The following CFAP20DC variants were observed in gnomAD, a reference collection of about 807,000 sequenced individuals.
CFAP20DC encodes the protein protein CFAP20DC.
Under a neutral mutation model 101.7 loss-of-function variants are expected in CFAP20DC, and 84 were observed. That is an observed-to-expected ratio of 0.83 (90% CI 0.69 to 0.99). The LOEUF is 0.99. Ranked by LOEUF, CFAP20DC falls within the 50% of genes least tolerant of loss-of-function variation. The pLI is 0.00. For missense variants in CFAP20DC, 1,007 were observed against 970.3 expected, an observed-to-expected ratio of 1.04 and a Z score of -0.50; for synonymous variants, 359 against 351.2, an observed-to-expected ratio of 1.02 and a Z score of -0.25.
At chr3:58,851,333 T>C (rs2078212667) in intron 12 of CFAP20DC, among the ~76,000 whole-genome samples, 1 of 152,132 alleles carries the variant, frequency 6.6e-6, no homozygotes, top group African/African-American at 2.4e-5. Flanking sequence ...TTAGGATTGT[T>C]GAGGTGCCTG....
chr3:58,817,387 T>G (rs1176136079), intron 14 of CFAP20DC, among the ~76,000 whole-genome samples: 5 of 151,254 alleles, frequency 3.3e-5, no homozygotes, highest in African/African-American at 7.3e-5. Context: ...AGTTGAAAAC[T>G]TCGAAAAAAA....
At chr3:58,965,477 T>A (rs977570253) in intron 4 of CFAP20DC, among the ~76,000 whole-genome samples, 1 of 152,156 alleles carries the variant, frequency 6.6e-6, no homozygotes, top group African/African-American at 2.4e-5. Flanking sequence ...AAGTTCAGGC[T>A]AAAGTTTAGG....
chr3:58,742,133 A>C lies in CFAP20DC; in HGVS notation c.*327T>G. ...TCATTTACAGATTAACACTGCAAAA[A>C]ATTTGAATGAATAACTCTTAATTTG... On this transcript the variant is annotated 3_prime_UTR_variant, in exon 17 of 17. Coordinates refer to ENST00000482387, the MANE Select transcript of CFAP20DC (RefSeq NM_001394063.1). 15 of 921,196 alleles carry C rather than the reference A, an allele frequency of 1.6e-5. No individual in the cohort carries two copies. The highest frequency in any genetic ancestry group is 1.9e-5 in the Non-Finnish European group (15 of 769,782). The allele number at this position is 921,196 out of a possible 1,614,324, so 57.1% of individuals were successfully genotyped here.
Position 58,868,346 on chromosome 3 carries a change from G to A in CFAP20DC, c.1016-410C>T, listed in dbSNP as rs1270787846. Among the ~76,000 whole-genome samples the A allele has an allele frequency of 6.6e-6, 1 of 152,066 alleles. No individual in the cohort carries two copies. Among genetic ancestry groups the A allele is most frequent in the Admixed American group, 6.6e-5 (1 of 15,254 alleles). ...GAGAGCAGCTTCCAAAAGAGCCCTG[G>A]AGAACTGAGGTCAAGCTGAAGAAGA... On this transcript the variant is annotated intron_variant, in intron 9 of 16. Transcript: ENST00000482387. This position sits in a 1 kb window ranked among gnomAD's most constrained non-coding sequence, Gnocchi z 4.6.
At chr3:58,768,471 C>T (rs1451470062) in intron 15 of CFAP20DC, among the ~76,000 whole-genome samples, 2 of 152,110 alleles carry the variant, frequency 1.3e-5, no homozygotes, top group African/African-American at 4.8e-5. Context: ...CTCCATGTGG[C>T]GATGTGCTGG....
chr3:58,922,822 G>A (rs753934710), intron 5 of CFAP20DC, among the ~76,000 whole-genome samples: 2 of 150,664 alleles, frequency 1.3e-5, no homozygotes, highest in Non-Finnish European at 3.0e-5. Flanking sequence ...TTTTTCAATC[G>A]TTTCATTAGG....
intron 3 of CFAP20DC, among the ~76,000 whole-genome samples, chr3:58,733,713 G>A (rs779771625): frequency 6.6e-6 from 1 of 152,188 alleles, no homozygotes; most frequent in Non-Finnish European, 1.5e-5. Context: ...AATAAATACA[G>A]CTTCAAAGAA....
At chr3:59,029,134 TG>T (rs1480812803) in intron 4 of CFAP20DC, among the ~76,000 whole-genome samples, 1 of 152,180 alleles carries the variant, frequency 6.6e-6, no homozygotes, top group Non-Finnish European at 1.5e-5. Flanking sequence ...GACTGGGTGC[TG>T]CTTCTCCCTT....
At chr3:58,963,526 T>C (rs2091317615) in intron 4 of CFAP20DC, among the ~76,000 whole-genome samples, 2 of 152,058 alleles carry the variant, frequency 1.3e-5, no homozygotes, top group African/African-American at 4.8e-5. Context: ...CTACTACCCT[T>C]GGGAAAGATA....
At chr3:58,989,319 G>C (rs1213613029) in intron 4 of CFAP20DC, among the ~76,000 whole-genome samples, 2 of 152,098 alleles carry the variant, frequency 1.3e-5, no homozygotes, top group African/African-American at 4.8e-5. Flanking sequence ...ACAGAATTAA[G>C]ATAGCAAGGA....
intron 15 of CFAP20DC, among the ~76,000 whole-genome samples, chr3:58,762,897 G>A (rs548372246): frequency 1.2e-4 from 18 of 150,858 alleles, no homozygotes; most frequent in East Asian, 5.8e-4. Context: ...GAGTTTCTGC[G>A]GAGAAATCAG....
chr3:58,728,941 T>C lies in CFAP20DC; in HGVS notation c.198-11313A>G, dbSNP rs2067596125. Among the ~76,000 whole-genome samples the C allele has an allele frequency of 6.6e-6, 1 of 152,166 alleles. No homozygotes were observed. ...ATGGATGATGATGATGTGTGACTGC[T>C]GGGGCTAGGTCATAAAAGGCATTGC... On this transcript the variant is annotated intron_variant, in intron 3 of 3. Transcript: ENST00000486145. The surrounding 1 kb of genome is among the most constrained non-coding windows in gnomAD (Gnocchi z 4.7).
intron 4 of CFAP20DC, among the ~76,000 whole-genome samples, chr3:58,984,353 G>C (rs565647043): frequency 6.6e-6 from 1 of 152,234 alleles, no homozygotes; most frequent in Non-Finnish European, 1.5e-5. Context: ...TATAGCTTCT[G>C]AATTGGTTTC....
intron 15 of CFAP20DC, among the ~76,000 whole-genome samples, chr3:58,789,431 C>A (rs966936978): frequency 1.3e-5 from 2 of 152,054 alleles, no homozygotes; most frequent in African/African-American, 2.4e-5. Context: ...TTATCAGATA[C>A]CTTATTTATG....
rs1045448435 is a variant in CFAP20DC at position 58,914,145 on chromosome 3, T to C, written c.394-281A>G. Among the ~76,000 whole-genome samples the C allele has an allele frequency of 4.8e-4, 73 of 152,164 alleles. No homozygotes were observed. The highest frequency in any genetic ancestry group is 6.8e-4 in the Non-Finnish European group (46 of 68,024). On this transcript the variant is annotated intron_variant, in intron 5 of 16. Transcript: ENST00000482387. The surrounding 1 kb of genome is among the most constrained non-coding windows in gnomAD (Gnocchi z 4.9). ...CAACTTTGGGAAATAACTCTCTATC[T>C]GTAGGCAGTATGCCAGCAGGAAGCT...
intron 15 of CFAP20DC, among the ~76,000 whole-genome samples, chr3:58,757,366 GTACA>G (rs2069055584): frequency 6.7e-6 from 1 of 149,768 alleles, no homozygotes; most frequent in African/African-American, 2.5e-5. Context: ...ATACACATGT[GTACA>G]TACATACACA....
chr3:58,962,736 C>T (rs538850289), intron 4 of CFAP20DC, among the ~76,000 whole-genome samples: 6 of 152,268 alleles, frequency 3.9e-5, no homozygotes, highest in Middle Eastern at 3.4e-3. Flanking sequence ...CTCTGCTAGG[C>T]CCTCTTGTGT....
At position 58,777,526 on chromosome 3, in the gene CFAP20DC, T is replaced by A. The variant is rs150661233; in HGVS notation, c.2238-23663A>T. Reference sequence around the variant, plus strand: ...GTAACTAATAGGGTCCTCACTCATGTCAATCAAAGTATGCACAAATGAATG... The same window carrying A: ...GTAACTAATAGGGTCCTCACTCATGACAATCAAAGTATGCACAAATGAATG... On this transcript the variant is annotated intron_variant, in intron 15 of 16. Transcript: ENST00000482387. Among the ~76,000 whole-genome samples the A allele has an allele frequency of 2.8e-3, 428 of 152,330 alleles. 4 individuals carry two copies. The highest frequency in any genetic ancestry group is 0.014 in the Middle Eastern group (4 of 294).
At chr3:58,767,983 G>A (rs573413896) in intron 15 of CFAP20DC, among the ~76,000 whole-genome samples, 8 of 152,142 alleles carry the variant, frequency 5.3e-5, no homozygotes, top group South Asian at 2.1e-4. Context: ...ACTTGTATGC[G>A]TTTCTCCTAC....
Sources: allele counts gnomAD v4.1 joint callset (sites outside exome capture counted in the v4.1 genomes callset), GRCh38; gene constraint gnomAD v4.1.1; non-coding constraint Gnocchi (gnomAD v3.1); transcripts MANE v1.5; gene names NCBI Gene and HGNC (gene_info 2026-07-23, HGNC 2026-07-21).